CACNB2: variants seen among roughly 807,000 people sequenced by gnomAD.
CACNB2 encodes calcium voltage-gated channel auxiliary subunit beta 2.
CACNB2 carries 42 observed loss-of-function variants against 73.3 expected under a neutral mutation model. The observed-to-expected ratio is 0.57, with a 90% confidence interval of 0.45 to 0.74. CACNB2 has a LOEUF of 0.74. Among genes scored for constraint, CACNB2 ranks in the 30% least tolerant of loss-of-function variants. The pLI, the probability that CACNB2 is intolerant of heterozygous loss-of-function variation, is 0.00. For missense variants in CACNB2, 940 were observed against 853.0 expected (o/e 1.10, Z -1.27); for synonymous variants, 348 against 310.3 (o/e 1.12, Z -1.28).
chr10:18,255,973 T>C (rs892725152), intron 2 of CACNB2, among the ~76,000 whole-genome samples: 1 of 152,244 alleles, frequency 6.6e-6, no homozygotes, highest in Non-Finnish European at 1.5e-5. Flanking sequence ...TTGCCACTCC[T>C]AACTAATAGT....
chr10:18,191,401 G>A (rs1426597924), intron 2 of CACNB2, among the ~76,000 whole-genome samples: 1 of 152,132 alleles, frequency 6.6e-6, no homozygotes, highest in African/African-American at 2.4e-5. Flanking sequence ...TGATGAAGGT[G>A]GGAAGAAGAT....
chr10:18,471,065 GA>G (rs1424968776), intron 3 of CACNB2, among the ~76,000 whole-genome samples: 1 of 152,214 alleles, frequency 6.6e-6, no homozygotes, highest in African/African-American at 2.4e-5. Context: ...AGAGCTTTGG[GA>G]GGCCAAGGTG....
At chr10:18,529,244 T>G (rs1419254875) in intron 10 of CACNB2, among the ~76,000 whole-genome samples, 2 of 137,976 alleles carry the variant, frequency 1.4e-5, no homozygotes, top group African/African-American at 5.0e-5. Flanking sequence ...ATTGCCAAGA[T>G]TTTTTTTACA....
chr10:18,538,149 T>C lies in CACNB2; in HGVS notation c.1303-31T>C. 3 of 1,612,734 alleles carry C rather than the reference T, an allele frequency of 1.9e-6. 1 individual carries two copies. Among genetic ancestry groups the C allele is most frequent in the South Asian group, 1.1e-5 (1 of 91,036 alleles). ...GAAGGGGGTGAAAACTGGGCTGGCA[T>C]CAATGTGGTCTGGAATGTCTGCCTC... On this transcript the variant is annotated intron_variant, in intron 12 of 13. Coordinates refer to ENST00000324631, the MANE Select transcript of CACNB2 (RefSeq NM_201596.3).
At chr10:18,275,056 G>C (rs1277731) in intron 2 of CACNB2, among the ~76,000 whole-genome samples, 1 of 152,050 alleles carries the variant, frequency 6.6e-6, no homozygotes, top group African/African-American at 2.4e-5. Context: ...TTGATTGGCT[G>C]TTCTGTGTTT....
At chr10:18,176,086 C>A (rs2033573293) in intron 2 of CACNB2, among the ~76,000 whole-genome samples, 1 of 152,198 alleles carries the variant, frequency 6.6e-6, no homozygotes, top group Admixed American at 6.5e-5. Context: ...GAGAATATTT[C>A]ATTCCTAGTA....
At chr10:18,520,306 T>C (rs570256705) in intron 9 of CACNB2, among the ~76,000 whole-genome samples, 8 of 152,350 alleles carry the variant, frequency 5.3e-5, no homozygotes, top group African/African-American at 1.9e-4. Context: ...CCCAGATCAT[T>C]TTCCTTGACT....
intron 2 of CACNB2, among the ~76,000 whole-genome samples, chr10:18,159,524 G>A (rs1410311764): frequency 1.3e-5 from 2 of 152,112 alleles, no homozygotes; most frequent in South Asian, 2.1e-4. Flanking sequence ...ATGACAAAAT[G>A]GAATGAACCA....
intron 3 of CACNB2, among the ~76,000 whole-genome samples, chr10:18,454,948 G>A (rs1384874382): frequency 6.6e-6 from 1 of 151,904 alleles, no homozygotes; most frequent in African/African-American, 2.4e-5. Flanking sequence ...AGGCCAAGGT[G>A]GGAGGATCAC....
chr10:18,177,493 T>G (rs1588627456), intron 2 of CACNB2, among the ~76,000 whole-genome samples: 1 of 146,350 alleles, frequency 6.8e-6, no homozygotes, highest in Non-Finnish European at 1.5e-5. Flanking sequence ...TAGCTGGGTG[T>G]GGTGGCAGGC....
At chr10:18,355,638 T>A (rs970947278) in intron 2 of CACNB2, among the ~76,000 whole-genome samples, 18 of 151,324 alleles carry the variant, frequency 1.2e-4, no homozygotes, top group Non-Finnish European at 1.8e-4. Context: ...CTCTTTTTTT[T>A]TTTTTTTTAT....
At chr10:18,380,621 A>C (rs146872911) in intron 2 of CACNB2, among the ~76,000 whole-genome samples, 1 of 151,530 alleles carries the variant, frequency 6.6e-6, no homozygotes, top group Admixed American at 6.6e-5. Context: ...CGCCCAGCTA[A>C]TATTTTTATT....
intron 3 of CACNB2, among the ~76,000 whole-genome samples, chr10:18,473,503 A>G (rs979750476): frequency 6.6e-6 from 1 of 152,182 alleles, no homozygotes; most frequent in Admixed American, 6.5e-5. Context: ...CACCAGTGCT[A>G]GTTTACTTTC....
chr10:18,462,199 C>G (rs2047618524), intron 3 of CACNB2, among the ~76,000 whole-genome samples: 1 of 152,162 alleles, frequency 6.6e-6, no homozygotes, highest in Non-Finnish European at 1.5e-5. Context: ...ATTAAGCTGT[C>G]TAAAAACAGA....
rs753506761 is a variant in CACNB2 at position 18,527,621 on chromosome 10, G to A, written c.978G>A (p.Ser326=). The change falls in exon 10 of 14, where the codon TCG becomes TCA. Residue 326 remains serine, a synonymous_variant. Coordinates refer to ENST00000324631, the MANE Select transcript of CACNB2 (RefSeq NM_201596.3). The part of the protein sequence containing the change: ...ISITRVTADI[S]LAKRSVLNNP... The stretch of plus-strand genomic sequence containing the variant: ...TCACAAGGGTCACCGCTGACATCTC[G>A]CTTGCCAAACGCTCGGTATTAAACA... The A allele has an allele frequency of 1.0e-4, 164 of 1,613,858 alleles. No individual in the cohort carries two copies. Among genetic ancestry groups the A allele is most frequent in the Middle Eastern group, 4.9e-4 (3 of 6,062 alleles).
chr10:18,284,054 A>G (rs2038679875), intron 2 of CACNB2, among the ~76,000 whole-genome samples: 1 of 152,114 alleles, frequency 6.6e-6, no homozygotes, highest in African/African-American at 2.4e-5. Flanking sequence ...TAATGTGATT[A>G]AAACCTTAAA....
rs554677539 is a variant in CACNB2, at chr10:18,528,781, T to TATC, written c.1054+1088_1054+1090dup. 1.3e-3 allele frequency among the ~76,000 whole-genome samples: 198 copies of TATC among 152,332 alleles called. 2 individuals are homozygous for TATC. Among genetic ancestry groups the TATC allele is most frequent in the African/African-American group, 4.5e-3 (188 of 41,582 alleles). ...TTATAGCAATTCCTTTTTATGTCCT[T>TATC]ATCATCTGTCACAGTTAAAACTCTT... On this transcript the variant is annotated intron_variant, in intron 10 of 13. Coordinates refer to ENST00000324631, the MANE Select transcript of CACNB2 (RefSeq NM_201596.3).
Position 18,472,236 on chromosome 10 carries a change from T to C in CACNB2, c.334-26119T>C, listed in dbSNP as rs1416711475. 1.0e-3 allele frequency among the ~76,000 whole-genome samples: 26 copies of C among 24,786 alleles called. 1 individual carries two copies. Among genetic ancestry groups the C allele is most frequent in the African/African-American group, 3.3e-3 (24 of 7,312 alleles). 16.3% of individuals were successfully genotyped at this position (24,786 alleles called of 152,430 possible). A position where few individuals can be genotyped will look rare whatever the true frequency, so the allele number is the denominator to read the frequency against. ...CACTTTTCTTCTTTTTTTTTTTTTT[T>C]TTTTTTTTTTTTTTTTTTGACATGG... On this transcript the variant is annotated intron_variant, in intron 3 of 13. Transcript: ENST00000324631.
At chr10:18,361,070 C>T (rs919951693) in intron 2 of CACNB2, among the ~76,000 whole-genome samples, 4 of 152,034 alleles carry the variant, frequency 2.6e-5, no homozygotes, top group Non-Finnish European at 5.9e-5. Flanking sequence ...TCTGACTTTT[C>T]CCCCATCTAC....
Sources: gnomAD v4.1 joint callset for allele counts (sites outside exome capture counted in the v4.1 genomes callset) on GRCh38, gnomAD v4.1.1 for gene constraint, MANE v1.5 for transcripts, NCBI Gene and HGNC (gene_info 2026-07-23, HGNC 2026-07-21) for gene names.